The following DOCK3 variants were observed in gnomAD, a reference collection of about 807,000 sequenced individuals.
DOCK3 encodes dedicator of cytokinesis protein 3.
A neutral mutation model predicts 265.6 loss-of-function variants in DOCK3; 60 were observed. The observed-to-expected ratio is 0.23, with a 90% CI of 0.18 to 0.28. DOCK3 has a LOEUF of 0.28. Ranked by LOEUF, DOCK3 falls within the 10% of genes least tolerant of loss-of-function variation. The pLI, the probability that DOCK3 is intolerant of heterozygous loss-of-function variation, is 1.00. For synonymous variants in DOCK3, 881 were observed against 938.0 expected, an observed-to-expected ratio of 0.94 and a Z score of 1.11; for missense variants, 1,981 against 2,594.3, an observed-to-expected ratio of 0.76 and a Z score of 5.14.
chr3:51,041,258 C>T (rs2080520556), intron 5 of DOCK3, among the ~76,000 whole-genome samples: 1 of 119,778 alleles, frequency 8.3e-6, no homozygotes, highest in African/African-American at 3.1e-5. Flanking sequence ...CGCTCTGTCG[C>T]CCAGGCTAGA....
At chr3:51,293,287 C>A (rs1035223304) in intron 27 of DOCK3, among the ~76,000 whole-genome samples, 1 of 152,084 alleles carries the variant, frequency 6.6e-6, no homozygotes, top group Non-Finnish European at 1.5e-5. Flanking sequence ...ACACATTGAC[C>A]AATAGAAGAG....
intron 27 of DOCK3, among the ~76,000 whole-genome samples, chr3:51,291,327 TAAAAAAAGAAA>T (rs2109155857): frequency 6.6e-6 from 1 of 151,190 alleles, no homozygotes; most frequent in South Asian, 2.1e-4. Context: ...AAATGGACAC[TAAAAAAAGAAA>T]AAGAAAAGAA....
At chr3:50,679,558 T>A (rs1054783327) in intron 1 of DOCK3, among the ~76,000 whole-genome samples, 3 of 152,132 alleles carry the variant, frequency 2.0e-5, no homozygotes, top group Admixed American at 2.0e-4. Flanking sequence ...CTTGTAAAGA[T>A]CCTGTGGTGC....
chr3:50,833,485 T>C (rs2045315826), intron 2 of DOCK3, among the ~76,000 whole-genome samples: 1 of 152,160 alleles, frequency 6.6e-6, no homozygotes, highest in South Asian at 2.1e-4. Context: ...ATAAGGAATC[T>C]CAGATAAAAC....
At chr3:51,087,624 C>T (rs1417867021) in intron 7 of DOCK3, among the ~76,000 whole-genome samples, 1 of 152,096 alleles carries the variant, frequency 6.6e-6, no homozygotes, top group Non-Finnish European at 1.5e-5. Context: ...ACTTGAAGTC[C>T]TAGCCAGAGC....
chr3:51,296,598 T>C (rs1320819762), intron 27 of DOCK3, among the ~76,000 whole-genome samples: 2 of 151,520 alleles, frequency 1.3e-5, no homozygotes, highest in Non-Finnish European at 2.9e-5. Context: ...TGCCTCAGCC[T>C]CTTGAGTAGC....
Position 50,921,891 on chromosome 3 carries a change from G to A in DOCK3, c.219-12090G>A, listed in dbSNP as rs140959440. Among the ~76,000 whole-genome samples, 943 of 152,274 alleles carry A rather than the reference G, an allele frequency of 6.2e-3. 9 individuals carry two copies. Among genetic ancestry groups the A allele is most frequent in the African/African-American group, 0.021 (886 of 41,542 alleles). On this transcript the variant is annotated intron_variant, in intron 4 of 52. Coordinates refer to ENST00000266037, the MANE Select transcript of DOCK3 (RefSeq NM_004947.5). ...CAGCAAATATTGCAGAACGGCAAATGTTGCTGCCCAATCCTTCCTCTGGAA... is the reference window on the plus strand; with the variant it reads ...CAGCAAATATTGCAGAACGGCAAATATTGCTGCCCAATCCTTCCTCTGGAA...
intron 23 of DOCK3, among the ~76,000 whole-genome samples, chr3:51,261,908 G>A (rs948589904): frequency 6.6e-6 from 1 of 152,172 alleles, no homozygotes; most frequent in Non-Finnish European, 1.5e-5. Context: ...AAGACAGCAG[G>A]CCCAGTCAGG....
At chr3:50,983,206 G>A (rs1428796843) in intron 5 of DOCK3, among the ~76,000 whole-genome samples, 3 of 152,116 alleles carry the variant, frequency 2.0e-5, no homozygotes, top group Admixed American at 1.3e-4. Flanking sequence ...GCTGAGGGCG[G>A]CTCTGGTGCT....
chr3:51,353,151 C>T (rs2086115376), intron 40 of DOCK3, among the ~76,000 whole-genome samples: 2 of 152,236 alleles, frequency 1.3e-5, no homozygotes, highest in African/African-American at 4.8e-5. Context: ...TAGTTCTTCA[C>T]AAGTACTTTC....
chr3:50,954,677 G>GT (rs1245323852), intron 5 of DOCK3, among the ~76,000 whole-genome samples: 2 of 151,614 alleles, frequency 1.3e-5, no homozygotes, highest in Non-Finnish European at 2.9e-5. Context: ...TAATGAGGTG[G>GT]TTTTTTTTCT....
chr3:51,379,361 G>A (rs923499177), intron 51 of DOCK3: 6 of 982,048 alleles, frequency 6.1e-6, no homozygotes, highest in Non-Finnish European at 7.3e-6. Flanking sequence ...GATACGTGGT[G>A]CACACTGGAG....
intron 1 of DOCK3, among the ~76,000 whole-genome samples, chr3:50,725,004 A>T (rs868710866): frequency 2.9e-4 from 44 of 152,082 alleles, no homozygotes; most frequent in East Asian, 9.7e-4. Flanking sequence ...AAAAAAAAAA[A>T]AATAATAATG....
At chr3:51,250,558 G>A (rs1458840000) in intron 22 of DOCK3, among the ~76,000 whole-genome samples, 1 of 152,220 alleles carries the variant, frequency 6.6e-6, no homozygotes, top group Non-Finnish European at 1.5e-5. Context: ...GGCGGAGGTT[G>A]CAGTGAACCA....
At position 50,774,548 on chromosome 3, in the gene DOCK3, A is replaced by G. The variant is rs143831562; in HGVS notation, c.38-4127A>G. ...ATAGACTTAAAAATATTCACCTTGTATCTAGTGACCTTGCTACAATCATGT... is the reference window on the plus strand; with the variant it reads ...ATAGACTTAAAAATATTCACCTTGTGTCTAGTGACCTTGCTACAATCATGT... On this transcript the variant is annotated intron_variant, in intron 1 of 52. Coordinates refer to ENST00000266037, the MANE Select transcript of DOCK3 (RefSeq NM_004947.5). Among the ~76,000 whole-genome samples, 16 of 152,100 alleles carry G rather than the reference A, an allele frequency of 1.1e-4. No homozygotes were observed. The East Asian group carries it at 3.1e-3, about 29-fold the overall frequency.
intron 27 of DOCK3, among the ~76,000 whole-genome samples, chr3:51,299,109 C>A (rs1282073608): frequency 3.3e-5 from 5 of 152,142 alleles, no homozygotes; most frequent in African/African-American, 1.2e-4. Context: ...TAATAATTGT[C>A]ATTCTGACTG....
intron 1 of DOCK3, among the ~76,000 whole-genome samples, chr3:50,754,194 A>C (rs1382059393): frequency 6.7e-6 from 1 of 149,724 alleles, no homozygotes; most frequent in Non-Finnish European, 1.5e-5. Context: ...TGCAGGAGGA[A>C]CAGAAAACCA....
intron 33 of DOCK3, among the ~76,000 whole-genome samples, chr3:51,331,372 G>A (rs2084506507): frequency 6.6e-6 from 1 of 152,170 alleles, no homozygotes; most frequent in Admixed American, 6.5e-5. Flanking sequence ...ACAAGGCAGT[G>A]TTCCTTGGCC....
intron 27 of DOCK3, among the ~76,000 whole-genome samples, chr3:51,305,028 C>T (rs890727006): frequency 1.3e-5 from 2 of 152,120 alleles, no homozygotes; most frequent in Admixed American, 6.5e-5. Flanking sequence ...TTGAGGAAAA[C>T]GTGTGTATTT....
Sources: allele counts gnomAD v4.1 joint callset (sites outside exome capture counted in the v4.1 genomes callset), GRCh38; gene constraint gnomAD v4.1.1; transcripts MANE v1.5; gene names NCBI Gene and HGNC (gene_info 2026-07-23, HGNC 2026-07-21).